RUNX1: variants seen among roughly 807,000 people sequenced by gnomAD.
RUNX1 encodes the protein RUNX family transcription factor 1.
A neutral mutation model predicts 42.8 loss-of-function variants in RUNX1; 19 were observed. That is an observed-to-expected ratio of 0.44 (90% CI 0.31 to 0.65). RUNX1 has a LOEUF of 0.65. Ranked by LOEUF, RUNX1 falls within the 30% of genes least tolerant of loss-of-function variation. RUNX1 has a pLI of 0.07. For missense variants in RUNX1, 528 were observed against 672.0 expected (o/e 0.79, Z 2.37); for synonymous variants, 271 against 289.4 (o/e 0.94, Z 0.64).
At chr21:34,968,559 C>T (rs2834703) in intron 2 of RUNX1, among the ~76,000 whole-genome samples, 92,913 of 151,878 alleles carry the variant, frequency 0.61, 28,875 homozygotes, top group Admixed American at 0.68. Flanking sequence ...AGACTAAGAC[C>T]CTCTAGAATG....
At chr21:34,969,425 T>A (rs1224429451) in intron 2 of RUNX1, among the ~76,000 whole-genome samples, 11 of 150,784 alleles carry the variant, frequency 7.3e-5, no homozygotes, top group Non-Finnish European at 1.2e-4. Flanking sequence ...AAAATGGGGA[T>A]GGGAGAAAGA....
Position 34,792,706 on chromosome 21 carries a change from C to G in RUNX1, c.968-96G>C, listed in dbSNP as rs1268255562. On this transcript the variant is annotated intron_variant, in intron 8 of 8. Transcript: ENST00000675419. This position sits in a 1 kb window ranked among gnomAD's most constrained non-coding sequence, Gnocchi z 6.9. Reference sequence around the variant, plus strand: ...CCCAGGGGGCTACCCAGGATGATACCGCCTAGGAGGATGGGAAGCCACCCA... The same window carrying G: ...CCCAGGGGGCTACCCAGGATGATACGGCCTAGGAGGATGGGAAGCCACCCA... 8.0e-7 allele frequency: 1 copy of G among 1,243,724 alleles called. No individual in the cohort carries two copies. The highest frequency in any genetic ancestry group is 1.1e-6 in the Non-Finnish European group (1 of 914,408). The allele number at this position is 1,243,724 out of a possible 1,614,324, so 77.0% of individuals were successfully genotyped here. A position where few individuals can be genotyped will look rare whatever the true frequency, so the allele number is the denominator to read the frequency against.
chr21:34,890,150 C>T (rs548379863), intron 3 of RUNX1, among the ~76,000 whole-genome samples: 425 of 151,990 alleles, frequency 2.8e-3, no homozygotes, highest in Non-Finnish European at 4.3e-3. Flanking sequence ...AGGCCTTTCC[C>T]GGGCGGGCCC....
chr21:34,973,564 G>T (rs2058778018), intron 2 of RUNX1, among the ~76,000 whole-genome samples: 2 of 152,158 alleles, frequency 1.3e-5, no homozygotes, highest in Non-Finnish European at 2.9e-5. Flanking sequence ...TTTTATCACT[G>T]ATCCAATCCA....
At position 35,047,551 on chromosome 21, in the gene RUNX1, ACACACACACACTCT is replaced by A. The variant is rs1388417439; in HGVS notation, c.58+1277_58+1290del. ...CACACACACACACACACACACACAC[ACACACACACACTCT>A]CTCTCTCTCTCTCTCTCTCTCTCTC... On this transcript the variant is annotated intron_variant, in intron 2 of 8. Transcript: ENST00000675419. Among the ~76,000 whole-genome samples the A allele has an allele frequency of 4.9e-3, 464 of 95,294 alleles. 1 individual carries two copies. Among genetic ancestry groups the A allele is most frequent in the African/African-American group, 0.019 (349 of 18,842 alleles). 62.5% of individuals were successfully genotyped at this position (95,294 alleles called of 152,430 possible).
chr21:34,889,055 G>A (rs1601533904), intron 3 of RUNX1, among the ~76,000 whole-genome samples: 2 of 151,240 alleles, frequency 1.3e-5, no homozygotes, highest in African/African-American at 4.8e-5. Context: ...AGGCCCCGCC[G>A]GCCCGAGGAG....
chr21:34,815,857 TGAGA>T (rs1286249816), intron 7 of RUNX1, among the ~76,000 whole-genome samples: 5 of 151,854 alleles, frequency 3.3e-5, no homozygotes, highest in Non-Finnish European at 7.4e-5. Flanking sequence ...GAAGCTGGGA[TGAGA>T]GAGTTTGGCC....
At position 34,978,979 on chromosome 21, in the gene RUNX1, C is replaced by CACACACACACACACAG. The variant is rs1024924107; in HGVS notation, c.58+69862_58+69863insCTGTGTGTGTGTGTGT. Among the ~76,000 whole-genome samples the CACACACACACACACAG allele has an allele frequency of 3.3e-5, 5 of 151,572 alleles. No homozygotes were observed. The East Asian group carries it at 9.7e-4, about 29-fold the overall frequency. On this transcript the variant is annotated intron_variant, in intron 2 of 8. Transcript: ENST00000675419. ...ACACACACACACACACACACACACACAGCATCTTTGTCCATCCTGGGCCAG... is the reference window on the plus strand; with the variant it reads ...ACACACACACACACACACACACACACACACACACACACACAGAGCATCTTTGTCCATCCTGGGCCAG...
chr21:34,912,001 G>A (rs145474244), intron 2 of RUNX1, among the ~76,000 whole-genome samples: 1 of 151,860 alleles, frequency 6.6e-6, no homozygotes, highest in East Asian at 1.9e-4. Flanking sequence ...CATTGCATTT[G>A]TCTTATTTGA....
intron 7 of RUNX1, among the ~76,000 whole-genome samples, chr21:34,820,372 A>G (rs544280277): frequency 2.6e-4 from 39 of 152,212 alleles, no homozygotes; most frequent in African/African-American, 8.9e-4. Context: ...TCCTCCAGCC[A>G]GGCATGGTGG....
chr21:34,811,022 G>A (rs2056751288), intron 7 of RUNX1, among the ~76,000 whole-genome samples: 1 of 152,170 alleles, frequency 6.6e-6, no homozygotes, highest in Admixed American at 6.5e-5. Context: ...GAGCACCATA[G>A]CCACCCTGCA....
At chr21:35,047,365 T>C (rs965612345) in intron 2 of RUNX1, among the ~76,000 whole-genome samples, 1 of 152,004 alleles carries the variant, frequency 6.6e-6, no homozygotes, top group African/African-American at 2.4e-5. Flanking sequence ...GCAAGACTAG[T>C]GACTAACGCA....
chr21:34,887,529 C>T lies in RUNX1; in HGVS notation c.98-433G>A, dbSNP rs879115053. 11 of 1,147,980 alleles carry T rather than the reference C, an allele frequency of 9.6e-6. No individual in the cohort carries two copies. In the South Asian group the frequency reaches 3.1e-4, roughly 32 times the overall value. 71.1% of individuals were successfully genotyped at this position (1,147,980 alleles called of 1,614,324 possible). On this transcript the variant is annotated intron_variant, in intron 3 of 8. Transcript: ENST00000675419. The stretch of plus-strand genomic sequence containing the variant: ...CAGCAAACACATTATTTGGAAGTTC[C>T]AGTAGTTAATGCCTGTCAGTTTTTT...
chr21:34,837,939 GA>G (rs1201874695), intron 6 of RUNX1, among the ~76,000 whole-genome samples: 1 of 152,068 alleles, frequency 6.6e-6, no homozygotes, highest in Non-Finnish European at 1.5e-5. Context: ...TACTTGCTTG[GA>G]ATTTTATTAT....
chr21:35,017,511 T>C (rs554258719), intron 2 of RUNX1, among the ~76,000 whole-genome samples: 2 of 152,252 alleles, frequency 1.3e-5, no homozygotes, highest in East Asian at 1.9e-4. Context: ...GGGCCAGTTG[T>C]GATAGGGGCC....
chr21:34,878,388 T>C (rs532009980), intron 5 of RUNX1, among the ~76,000 whole-genome samples: 16 of 148,186 alleles, frequency 1.1e-4, no homozygotes, highest in South Asian at 4.3e-4. Context: ...CACACACACA[T>C]ATATATATAC....
intron 2 of RUNX1, among the ~76,000 whole-genome samples, chr21:34,939,912 A>G (rs2058514196): frequency 6.6e-6 from 1 of 152,022 alleles, no homozygotes; most frequent in Non-Finnish European, 1.5e-5. Context: ...ATTGCGCAAC[A>G]TGTAACCAAG....
At chr21:34,896,387 G>A (rs565092041) in intron 2 of RUNX1, among the ~76,000 whole-genome samples, 1 of 152,172 alleles carries the variant, frequency 6.6e-6, no homozygotes, top group African/African-American at 2.4e-5. Context: ...AGTAATAAGA[G>A]TAAAGGAAAA....
chr21:34,852,276 G>C (rs1190262161), intron 6 of RUNX1, among the ~76,000 whole-genome samples: 1 of 152,178 alleles, frequency 6.6e-6, no homozygotes, highest in African/African-American at 2.4e-5. Context: ...GGCCACGCCA[G>C]CTCACTCAGA....
Sources: allele counts gnomAD v4.1 joint callset (sites outside exome capture counted in the v4.1 genomes callset), GRCh38; gene constraint gnomAD v4.1.1; non-coding constraint Gnocchi (gnomAD v3.1); transcripts MANE v1.5; gene names NCBI Gene and HGNC (gene_info 2026-07-23, HGNC 2026-07-21).